Variants in PLEKHG1 observed in about 807,000 individuals in gnomAD.
PLEKHG1 encodes the protein pleckstrin homology and RhoGEF domain containing G1.
Under a neutral mutation model 100.8 loss-of-function variants are expected in PLEKHG1, and 44 were observed. The observed-to-expected ratio is 0.44, with a 90% CI of 0.34 to 0.56. The LOEUF is 0.56. Ranked by LOEUF, PLEKHG1 falls within the 20% of genes least tolerant of loss-of-function variation. PLEKHG1 has a pLI of 0.01. For missense variants in PLEKHG1, 1,545 were observed against 1,720.9 expected (o/e 0.90, Z 1.81); for synonymous variants, 640 against 662.5 (o/e 0.97, Z 0.52).
In PLEKHG1 at chr6:150,821,053, G is replaced by A. The variant is rs1776265042; in HGVS notation, c.1409-142G>A. 4.6e-6 allele frequency: 3 copies of A among 650,084 alleles called. No homozygotes were observed. In the South Asian group the frequency reaches 5.8e-5, roughly 13 times the overall value. The allele number at this position is 650,084 out of a possible 1,614,324, so 40.3% of individuals were successfully genotyped here. A position where few individuals can be genotyped will look rare whatever the true frequency, so the allele number is the denominator to read the frequency against. On this transcript the variant is annotated intron_variant, in intron 12 of 15. Coordinates refer to ENST00000358517, the Ensembl canonical transcript of PLEKHG1. ...ATGTCTTGCTCCTGTGTATCTCTGAGCAATGGGGATTTTGTTAAATTTGAT... is the reference window on the plus strand; with the variant it reads ...ATGTCTTGCTCCTGTGTATCTCTGAACAATGGGGATTTTGTTAAATTTGAT...
chr6:150,684,483 A>G (rs1426130394), intron 3 of PLEKHG1, among the ~76,000 whole-genome samples: 1 of 152,180 alleles, frequency 6.6e-6, no homozygotes, highest in Admixed American at 6.5e-5. Flanking sequence ...ACATACCTCC[A>G]TATGCTGTCT....
At chr6:150,643,471 GCTCAA>G (rs1431152699) in intron 2 of PLEKHG1, among the ~76,000 whole-genome samples, 2 of 152,122 alleles carry the variant, frequency 1.3e-5, no homozygotes, top group African/African-American at 4.8e-5. Flanking sequence ...CATCTTAAAA[GCTCAA>G]CTCATTTCAT....
chr6:150,643,200 T>TA (rs138097496), intron 2 of PLEKHG1, among the ~76,000 whole-genome samples: 84 of 152,088 alleles, frequency 5.5e-4, no homozygotes, highest in African/African-American at 1.9e-3. Context: ...TTAGCCTGTT[T>TA]AAAAAAAATA....
intron 3 of PLEKHG1, among the ~76,000 whole-genome samples, chr6:150,696,124 A>C (rs1392487567): frequency 6.6e-6 from 1 of 152,244 alleles, no homozygotes; most frequent in East Asian, 1.9e-4. Flanking sequence ...GGAAGAATTC[A>C]GATCAAAGAG....
chr6:150,652,408 T>G (rs1310091263), intron 3 of PLEKHG1, among the ~76,000 whole-genome samples: 2 of 152,212 alleles, frequency 1.3e-5, no homozygotes, highest in Non-Finnish European at 2.9e-5. Context: ...CATAGTGGTA[T>G]CACTTTTTAC....
rs1159075314 is a variant in PLEKHG1 at position 150,623,911 on chromosome 6, A to G, written c.-203-14169A>G. On this transcript the variant is annotated intron_variant, in intron 1 of 3. Transcript: ENST00000367326. Reference sequence around the variant, plus strand: ...CTCAAGGAGGAAAACAGAATCTTCAATGTGTCTTAAATCTCCAGTTAAGCT... The same window carrying G: ...CTCAAGGAGGAAAACAGAATCTTCAGTGTGTCTTAAATCTCCAGTTAAGCT... 3.9e-5 allele frequency among the ~76,000 whole-genome samples: 6 copies of G among 152,200 alleles called. No homozygotes were observed. The South Asian group carries it at 8.3e-4, about 21-fold the overall frequency.
At chr6:150,688,743 CTA>C (rs559622811) in intron 3 of PLEKHG1, among the ~76,000 whole-genome samples, 173 of 152,250 alleles carry the variant, frequency 1.1e-3, no homozygotes, top group African/African-American at 4.0e-3. Context: ...ATAGTAAAAA[CTA>C]TGCTAACATG....
At chr6:150,668,055 T>C (rs991998460) in intron 3 of PLEKHG1, among the ~76,000 whole-genome samples, 4 of 152,228 alleles carry the variant, frequency 2.6e-5, no homozygotes, top group Non-Finnish European at 5.9e-5. Flanking sequence ...AAAGTGAAGA[T>C]TGATGCCGAA....
chr6:150,742,836 T>A lies in PLEKHG1; in HGVS notation c.411+8744T>A, dbSNP rs560499851. Among the ~76,000 whole-genome samples the A allele has an allele frequency of 2.0e-5, 3 of 152,250 alleles. No homozygotes were observed. In the East Asian group the frequency reaches 5.8e-4, roughly 29 times the overall value. ...GTCCTGTAACCATCCTTTGCAAGTG[T>A]TCAGGTGAGGAGGAGCAGCACTCCT... On this transcript the variant is annotated intron_variant, in intron 2 of 15. Transcript: ENST00000358517.
chr6:150,823,123 C>T (rs1196596794), intron 13 of PLEKHG1, among the ~76,000 whole-genome samples: 4 of 152,106 alleles, frequency 2.6e-5, no homozygotes, highest in East Asian at 1.9e-4. Context: ...CATATGCTTC[C>T]GTAATCATCT....
At chr6:150,840,276 A>C in exon 16 of PLEKHG1, 1 of 1,614,198 alleles carries the variant, frequency 6.2e-7, no homozygotes, top group Non-Finnish European at 8.5e-7. Context: ...GCCTTATCAC[A>C]GGTCCCAGTC....
intron 1 of PLEKHG1, among the ~76,000 whole-genome samples, chr6:150,610,300 C>T (rs78873122): frequency 6.6e-6 from 1 of 152,180 alleles, no homozygotes; most frequent in Admixed American, 6.5e-5. Context: ...TGGGGTTTCA[C>T]CATATTGGCC....
At chr6:150,674,422 G>A (rs1582923704) in intron 3 of PLEKHG1, among the ~76,000 whole-genome samples, 2 of 152,276 alleles carry the variant, frequency 1.3e-5, no homozygotes, top group African/African-American at 2.4e-5. Context: ...CAGAGTCCAA[G>A]CTCTCTTCTC....
chr6:150,784,869 T>C (rs1785523261), intron 3 of PLEKHG1, among the ~76,000 whole-genome samples: 1 of 152,168 alleles, frequency 6.6e-6, no homozygotes, highest in African/African-American at 2.4e-5. Flanking sequence ...AATACTTACA[T>C]AGTCTTAAAG....
chr6:150,700,441 TG>T (rs139346582), intron 3 of PLEKHG1, among the ~76,000 whole-genome samples: 9,209 of 152,210 alleles, frequency 0.061, 351 homozygotes, highest in South Asian at 0.12. Context: ...AGCAAGCCTC[TG>T]GGGGGACTCC....
At chr6:150,614,010 A>G (rs760870943) in intron 1 of PLEKHG1, among the ~76,000 whole-genome samples, 2 of 152,214 alleles carry the variant, frequency 1.3e-5, no homozygotes, top group Non-Finnish European at 2.9e-5. Flanking sequence ...ACCACACCTG[A>G]AATGTATAAT....
chr6:150,685,368 T>G (rs138906608), intron 3 of PLEKHG1, among the ~76,000 whole-genome samples: 7 of 152,254 alleles, frequency 4.6e-5, no homozygotes, highest in Non-Finnish European at 1.0e-4. Flanking sequence ...AGCAATCCGC[T>G]GAACCCATCT....
intron 7 of PLEKHG1, among the ~76,000 whole-genome samples, chr6:150,806,706 T>C (rs1423499840): frequency 1.3e-5 from 2 of 149,556 alleles, no homozygotes; most frequent in East Asian, 3.9e-4. Context: ...TGCACACCTG[T>C]AACCCCAGCT....
intron 4 of PLEKHG1, among the ~76,000 whole-genome samples, chr6:150,786,735 T>C (rs1006169224): frequency 2.6e-5 from 4 of 151,724 alleles, no homozygotes; most frequent in African/African-American, 7.3e-5. Flanking sequence ...AGTAGAAGAA[T>C]GTTAGAAAAA....
Sources: gnomAD v4.1 joint callset for allele counts (sites outside exome capture counted in the v4.1 genomes callset) on GRCh38, gnomAD v4.1.1 for gene constraint, MANE v1.5 for transcripts, NCBI Gene and HGNC (gene_info 2026-07-23, HGNC 2026-07-21) for gene names.